FLT4: variants seen among roughly 807,000 people sequenced by gnomAD.
FLT4 encodes the protein vascular endothelial growth factor receptor 3.
In FLT4, 30 loss-of-function variants were observed where a neutral mutation model predicts 163.2. The ratio of observed to expected loss-of-function variants is 0.18; its 90% confidence interval spans 0.14 to 0.25. The LOEUF (loss-of-function observed/expected upper bound fraction) is 0.25. Ranked by LOEUF, FLT4 falls within the 10% of genes least tolerant of loss-of-function variation. The pLI is 1.00. For missense variants in FLT4, 1,510 were observed against 1,863.8 expected (o/e 0.81, Z 3.50); for synonymous variants, 884 against 789.5 (o/e 1.12, Z -2.01).
chr5:180,621,978 C>G, intron 12 of FLT4, 74 bp from the exon 13 acceptor site: 7 of 1,520,338 alleles, frequency 4.6e-6, no homozygotes, highest in East Asian at 2.4e-5. Flanking sequence ...GCCCCGGGGT[C>G]TCCTCCTGCC....
Position 180,620,798 on chromosome 5 carries a change from C to G in FLT4, c.2299+78G>C. On this transcript the variant is annotated intron_variant, in intron 15 of 29. Transcript: ENST00000261937. This position sits in a 1 kb window ranked among gnomAD's most constrained non-coding sequence, Gnocchi z 4.4. ...CAGGCAGCACCCCTTCTGGTGGCCACGACTTGCCCAAGGTGGCCACAAGAA... is the reference window on the plus strand; with the variant it reads ...CAGGCAGCACCCCTTCTGGTGGCCAGGACTTGCCCAAGGTGGCCACAAGAA... The G allele has an allele frequency of 6.2e-7, 1 of 1,604,814 alleles. No homozygotes were observed. The highest frequency in any genetic ancestry group is 8.5e-7 in the Non-Finnish European group (1 of 1,174,808).
In FLT4 at chr5:180,602,342, G is replaced by A. The variant is rs1318016883; in HGVS notation, c.*850C>T. The A allele has an allele frequency of 2.9e-5, 9 of 307,606 alleles. No homozygotes were observed. The highest frequency in any genetic ancestry group is 4.8e-5 in the Non-Finnish European group (8 of 168,118). 19.1% of individuals were successfully genotyped at this position (307,606 alleles called of 1,614,324 possible). A position where few individuals can be genotyped will look rare whatever the true frequency, so the allele number is the denominator to read the frequency against. On this transcript the variant is annotated 3_prime_UTR_variant, in exon 30 of 30. Coordinates refer to ENST00000261937, the MANE Select transcript of FLT4 (RefSeq NM_182925.5). ...GGCTCCTCGGAGTCTGGGCCAGGTG[G>A]GAGAGCAAGGGCCTTCTCCAGAGGC...
chr5:180,649,573 CGA>C lies in FLT4; in HGVS notation c.-30_-29del, dbSNP rs1327234109. 3.7e-6 allele frequency: 5 copies of C among 1,365,184 alleles called. No individual in the cohort carries two copies. The highest frequency in any genetic ancestry group is 4.7e-6 in the Non-Finnish European group (5 of 1,054,144). 84.6% of individuals were successfully genotyped at this position (1,365,184 alleles called of 1,614,324 possible). A position where few individuals can be genotyped will look rare whatever the true frequency, so the allele number is the denominator to read the frequency against. On this transcript the variant is annotated 5_prime_UTR_variant, in exon 1 of 30. Coordinates refer to ENST00000261937, the MANE Select transcript of FLT4 (RefSeq NM_182925.5). The stretch of plus-strand genomic sequence containing the variant: ...CCGGCCGCTGCGCGTGGGTCCGACC[CGA>C]GCGGCCGCGGCTCGGGGCTGAAAGT...
chr5:180,640,905 G>T (rs1340045795), intron 1 of FLT4, among the ~76,000 whole-genome samples: 1 of 152,188 alleles, frequency 6.6e-6, no homozygotes, highest in African/African-American at 2.4e-5. Context: ...GTGAGCGCTG[G>T]CCTTAGCTGG....
intron 1 of FLT4, among the ~76,000 whole-genome samples, chr5:180,640,210 G>C (rs747257921): frequency 2.6e-5 from 4 of 152,158 alleles, no homozygotes; most frequent in Non-Finnish European, 4.4e-5. Flanking sequence ...AGCGAGGTGG[G>C]GGGCAGCCGG....
In FLT4 at chr5:180,611,312, G is replaced by C. The variant is rs1345609688; in HGVS notation, c.3686+19C>G. 1 of 1,613,422 alleles carries C rather than the reference G, an allele frequency of 6.2e-7. No individual in the cohort carries two copies. Among genetic ancestry groups the C allele is most frequent in the Non-Finnish European group, 8.5e-7 (1 of 1,179,888 alleles). ...ATGGCTTTCTCCCACCCTACTCCTG[G>C]ACCTGCAGGACAGCTGACCTGGCGG... is the stretch of plus-strand genomic sequence containing the variant. On this transcript the variant is annotated intron_variant, in intron 27 of 29. Coordinates refer to ENST00000261937, the MANE Select transcript of FLT4 (RefSeq NM_182925.5).
chr5:180,647,603 C>T (rs1038285516), intron 1 of FLT4, among the ~76,000 whole-genome samples: 2 of 151,960 alleles, frequency 1.3e-5, no homozygotes, highest in African/African-American at 4.8e-5. Flanking sequence ...CCCTGACACC[C>T]GACTGCAGCT....
intron 8 of FLT4, among the ~76,000 whole-genome samples, chr5:180,628,288 G>A (rs1763796570): frequency 6.6e-6 from 1 of 152,336 alleles, no homozygotes; most frequent in East Asian, 1.9e-4. Flanking sequence ...CCCAGAGCCT[G>A]CAGGGAGTAG....
In FLT4 at chr5:180,622,845, A is replaced by G. The variant is rs758278103; in HGVS notation, c.1549-6T>C. 5.0e-6 allele frequency: 8 copies of G among 1,596,936 alleles called. No homozygotes were observed. The Admixed American group carries it at 1.2e-4, about 23-fold the overall frequency. On this transcript the variant is annotated splice_polypyrimidine_tract_variant and splice_region_variant and intron_variant, in intron 11 of 29. Transcript: ENST00000261937. ...ATCACCAGCTTGCTCACAGTCTGGG[A>G]GAGCACAGGCACAAGGATCCATTTC...
chr5:180,616,204 C>G (rs901275861), intron 23 of FLT4, among the ~76,000 whole-genome samples, 163 bp downstream of exon 23: 1 of 152,210 alleles, frequency 6.6e-6, no homozygotes, highest in African/African-American at 2.4e-5. Flanking sequence ...TCAGTAGGGT[C>G]CCCTGGGGGC....
intron 29 of FLT4, among the ~76,000 whole-genome samples, chr5:180,606,372 T>C (rs1761782333): frequency 6.6e-6 from 1 of 152,094 alleles, no homozygotes; most frequent in Non-Finnish European, 1.5e-5. Context: ...CAGCCCCATC[T>C]CCTCCGTCAC....
rs1325725802 is a variant in FLT4, at chr5:180,626,248, G to A, written c.1121C>T (p.Ala374Val). The A allele has an allele frequency of 1.2e-6, 2 of 1,612,564 alleles. No homozygotes were observed. The highest frequency in any genetic ancestry group is 1.1e-5 in the South Asian group (1 of 91,080). The part of the protein sequence containing the change: ...PEFQWYKDGK[A>V]LSGRHSPHAL... ...ATGTGGACTGTGGCGCCCGGACAGTGCCTTTCCATCCTTGTACCTGGCCAG... is the reference window on the plus strand; with the variant it reads ...ATGTGGACTGTGGCGCCCGGACAGTACCTTTCCATCCTTGTACCTGGCCAG... The change falls in exon 9 of 30, where the codon GCA (alanine) becomes GTA (valine). Residue 374 changes from alanine (A) to valine (V), a missense_variant. Ala to Val is a moderately conservative substitution (Grantham distance 64, BLOSUM62 0). Around this residue, in one of 5 missense-constraint regions of FLT4, gnomAD observed 878 missense variants for 1,016.7 expected, o/e 0.86. Coordinates refer to ENST00000261937, the MANE Select transcript of FLT4 (RefSeq NM_182925.5).
In FLT4 at chr5:180,613,018, G is replaced by T; in HGVS notation, c.3424C>A (p.Pro1142Thr). The change falls in exon 25 of 30, where the codon CCC (proline) becomes ACC (threonine). Residue 1142 changes from proline to threonine, a missense_variant. Transcript: ENST00000261937. ...TRMRAPELAT[P>T]AIRRIMLNCW... ...GGCCATGGGGAGGCTCACATGGCGG[G>T]AGTGGCCAGCTCCGGGGCCCTCATC... The T allele has an allele frequency of 6.2e-7, 1 of 1,611,770 alleles. No individual in the cohort carries two copies. Among genetic ancestry groups the T allele is most frequent in the Non-Finnish European group, 8.5e-7 (1 of 1,178,442 alleles).
rs758916231 is a variant in FLT4, at chr5:180,630,329, G to C, written c.409C>G (p.Gln137Glu). Residue 137 changes from glutamine to glutamate, a missense_variant, in exon 4 of 30, where the codon CAG becomes GAG. This residue lies in a region of FLT4 where 163 missense variants were observed against 281.1 expected (regional missense o/e 0.58). Coordinates refer to ENST00000261937, the MANE Select transcript of FLT4 (RefSeq NM_182925.5). This position sits in a 1 kb window ranked among gnomAD's most constrained non-coding sequence, Gnocchi z 6.3. Reference sequence around the variant, plus strand: ...GTGTCAGGCTTGTTGATGAATGGCTGCTCAAAGTCTATGGAGAGGGAGCAA... The same window carrying C: ...GTGTCAGGCTTGTTGATGAATGGCTCCTCAAAGTCTATGGAGAGGGAGCAA... Reference protein sequence around the residue: ...SSYVFVRDFEQPFINKPDTLL... With the variant: ...SSYVFVRDFEEPFINKPDTLL... 7.5e-6 allele frequency: 12 copies of C among 1,609,732 alleles called. No homozygotes were observed. Among genetic ancestry groups the C allele is most frequent in the Non-Finnish European group, 9.3e-6 (11 of 1,179,760 alleles).
rs192788799 is a variant in FLT4, at chr5:180,644,729, G to A, written c.58+4759C>T. ...TCACACGGAGGTGTGGCCCACTGCCGGACACGCCACATCTGTGTGCATGTG... is the reference window on the plus strand; with the variant it reads ...TCACACGGAGGTGTGGCCCACTGCCAGACACGCCACATCTGTGTGCATGTG... On this transcript the variant is annotated intron_variant, in intron 1 of 29. Transcript: ENST00000261937. 2.1e-3 allele frequency among the ~76,000 whole-genome samples: 320 copies of A among 152,380 alleles called. 2 individuals carry two copies. The highest frequency in any genetic ancestry group is 7.3e-3 in the African/African-American group (302 of 41,590).
chr5:180,612,745 C>A, intron 25 of FLT4, 134 bp from the exon 26 acceptor site: 1 of 721,552 alleles, frequency 1.4e-6, no homozygotes, highest in Non-Finnish European at 2.5e-6. Context: ...GTCCAGCTAC[C>A]CTCGTTCCTC....
chr5:180,622,230 C>A (rs952410790), intron 12 of FLT4, among the ~76,000 whole-genome samples: 1 of 150,814 alleles, frequency 6.6e-6, no homozygotes, highest in Non-Finnish European at 1.5e-5. Context: ...GCTCCTGTGG[C>A]CCCCCAGCCC....
At chr5:180,612,176 G>C (rs1762257072) in intron 26 of FLT4, among the ~76,000 whole-genome samples, 1 of 152,190 alleles carries the variant, frequency 6.6e-6, no homozygotes, top group Non-Finnish European at 1.5e-5. Context: ...ACTGGCACCA[G>C]GTGAAGGAAT....
At chr5:180,609,769 G>A in intron 28 of FLT4, 136 bp downstream of exon 28, 1 of 1,096,440 alleles carries the variant, frequency 9.1e-7, no homozygotes, top group Non-Finnish European at 1.4e-6. Context: ...TGTGCCCAAG[G>A]CTCACCCTGG....
Sources: gnomAD v4.1 joint callset for allele counts (sites outside exome capture counted in the v4.1 genomes callset) on GRCh38, gnomAD v4.1.1 for gene constraint, gnomAD v4.1.1 regional missense constraint, Gnocchi (gnomAD v3.1) non-coding constraint, MANE v1.5 for transcripts, NCBI Gene and HGNC (gene_info 2026-07-23, HGNC 2026-07-21) for gene names.